Variants in TOP6BL observed in about 807,000 individuals in gnomAD.
TOP6BL encodes the protein type 2 DNA topoisomerase 6 subunit B-like.
chr11:66,801,047 A>G, the TOP6BL span: 1 of 1,613,908 alleles, frequency 6.2e-7, no homozygotes, highest in Non-Finnish European at 8.5e-7. Flanking sequence ...GAATGAACCC[A>G]CTTTGAACCT....
chr11:66,816,465 G>A, the TOP6BL span, among the ~76,000 whole-genome samples: 7 of 152,336 alleles, frequency 4.6e-5, no homozygotes, highest in Non-Finnish European at 8.8e-5. Flanking sequence ...GGTTTTCAAC[G>A]TTAGCCGCAC....
chr11:66,776,000 G>A, the TOP6BL span, among the ~76,000 whole-genome samples: 1 of 151,236 alleles, frequency 6.6e-6, no homozygotes, highest in Admixed American at 6.6e-5. Context: ...TCCTCTATAT[G>A]GGCACTCAAA....
the TOP6BL span, chr11:66,800,959 C>A: frequency 6.5e-7 from 1 of 1,540,534 alleles, no homozygotes; most frequent in Non-Finnish European, 8.9e-7. Context: ...TAGTCATGGG[C>A]CAAAATTTAT....
At chr11:66,784,596 G>T in the TOP6BL span, among the ~76,000 whole-genome samples, 3 of 152,150 alleles carry the variant, frequency 2.0e-5, no homozygotes, top group Admixed American at 2.0e-4. Flanking sequence ...TGTCTCTGTC[G>T]ATTTGCTTAT....
the TOP6BL span, chr11:66,843,449 G>T: frequency 7.1e-7 from 1 of 1,402,384 alleles, no homozygotes; most frequent in South Asian, 1.6e-5. Context: ...CCGCGGGTCA[G>T]GGCGCAATGG....
chr11:66,751,195 T>G, the TOP6BL span, among the ~76,000 whole-genome samples: 2 of 151,818 alleles, frequency 1.3e-5, no homozygotes, highest in East Asian at 3.9e-4. Context: ...TTTGTTTTGT[T>G]TTGTTTTTGT....
the TOP6BL span, among the ~76,000 whole-genome samples, chr11:66,824,909 G>A: frequency 6.6e-6 from 1 of 152,114 alleles, no homozygotes; most frequent in Admixed American, 6.5e-5. Context: ...ATAAACATAT[G>A]TGTGCATGTG....
At chr11:66,745,715 T>C in the TOP6BL span, among the ~76,000 whole-genome samples, 1 of 152,250 alleles carries the variant, frequency 6.6e-6, no homozygotes, top group Non-Finnish European at 1.5e-5. Context: ...GAACCTAGGC[T>C]AGAACCCAGG....
At chr11:66,767,705 A>G in the TOP6BL span, among the ~76,000 whole-genome samples, 1 of 152,164 alleles carries the variant, frequency 6.6e-6, no homozygotes, top group Non-Finnish European at 1.5e-5. Context: ...TTTGCTGTTG[A>G]TATATGGTTA....
chr11:66,839,153 C>T, the TOP6BL span: 2 of 456,298 alleles, frequency 4.4e-6, no homozygotes, highest in South Asian at 3.1e-5. Flanking sequence ...CCTTCCCAGC[C>T]CACAGCAGCA....
At chr11:66,771,079 T>TA in the TOP6BL span, among the ~76,000 whole-genome samples, 1 of 152,198 alleles carries the variant, frequency 6.6e-6, no homozygotes, top group Non-Finnish European at 1.5e-5. Context: ...ATATTTCAAA[T>TA]TACCTGACAC....
chr11:66,775,996 A>T, the TOP6BL span, among the ~76,000 whole-genome samples: 1 of 151,852 alleles, frequency 6.6e-6, no homozygotes, highest in Non-Finnish European at 1.5e-5. Context: ...TGGATCCTCT[A>T]TATGGGCACT....
chr11:66,790,438 G>T, the TOP6BL span, among the ~76,000 whole-genome samples: 1 of 152,192 alleles, frequency 6.6e-6, no homozygotes, highest in African/African-American at 2.4e-5. Flanking sequence ...ATGGGAAGAG[G>T]TTGAAGTCTG....
chr11:66,775,729 A>G, the TOP6BL span, among the ~76,000 whole-genome samples: 4 of 151,958 alleles, frequency 2.6e-5, no homozygotes, highest in East Asian at 7.7e-4. Flanking sequence ...ATAATTTGAT[A>G]TTGCTGTTGA....
At chr11:66,840,476 T>C in the TOP6BL span, among the ~76,000 whole-genome samples, 1 of 151,126 alleles carries the variant, frequency 6.6e-6, no homozygotes, top group Non-Finnish European at 1.5e-5. Context: ...AGCCTTCCCC[T>C]GAGTTCCTTT....
the TOP6BL span, among the ~76,000 whole-genome samples, chr11:66,836,962 G>A: frequency 1.4e-4 from 22 of 151,822 alleles, no homozygotes; most frequent in African/African-American, 5.1e-4. Flanking sequence ...GTCTCCCAAA[G>A]TGCTGGGATT....
the TOP6BL span, among the ~76,000 whole-genome samples, chr11:66,797,179 C>G: frequency 5.3e-5 from 8 of 150,124 alleles, no homozygotes; most frequent in Non-Finnish European, 1.2e-4. Flanking sequence ...TTTGTATTTT[C>G]AGTAGAGACA....
chr11:66,838,973 C>T, the TOP6BL span, among the ~76,000 whole-genome samples: 3 of 152,292 alleles, frequency 2.0e-5, no homozygotes, highest in East Asian at 1.9e-4. Flanking sequence ...CCTTGTGATC[C>T]GCCTGCCTTG....
the TOP6BL span, among the ~76,000 whole-genome samples, chr11:66,819,623 C>T: frequency 2.4e-4 from 37 of 151,696 alleles, no homozygotes; most frequent in Admixed American, 2.0e-3. Context: ...CAAATTTGCC[C>T]GGGCATGGTC....
Sources: gnomAD v4.1 joint callset for allele counts (sites outside exome capture counted in the v4.1 genomes callset) on GRCh38, gnomAD v4.1.1 for gene constraint, MANE v1.5 for transcripts, NCBI Gene and HGNC (gene_info 2026-07-23, HGNC 2026-07-21) for gene names.